The following FHIT variants were observed in gnomAD, a reference collection of about 807,000 sequenced individuals.
FHIT encodes the protein fragile histidine triad diadenosine triphosphatase, also known as bis(5'-adenosyl)-triphosphatase.
A neutral mutation model predicts 17.9 loss-of-function variants in FHIT; 19 were observed. The ratio of observed to expected loss-of-function variants is 1.06; its 90% CI spans 0.74 to 1.56. FHIT has a LOEUF of 1.56. FHIT is among the 40% of genes most tolerant of loss of function. FHIT has a pLI of 0.00. For missense variants in FHIT, 248 were observed against 189.2 expected (o/e 1.31, Z -1.82); for synonymous variants, 81 against 69.7 (o/e 1.16, Z -0.81).
chr3:61,215,311 A>C (rs2039637206), intron 1 of FHIT, among the ~76,000 whole-genome samples: 1 of 151,902 alleles, frequency 6.6e-6, no homozygotes, highest in Non-Finnish European at 1.5e-5. Flanking sequence ...GCTTCAGCAA[A>C]GTCTCAGGAT....
intron 5 of FHIT, among the ~76,000 whole-genome samples, chr3:60,014,840 AT>A (rs1700280787): frequency 6.6e-6 from 1 of 152,208 alleles, no homozygotes; most frequent in Admixed American, 6.5e-5. Flanking sequence ...CAAATAAAGC[AT>A]TCTTAATGCA....
intron 5 of FHIT, among the ~76,000 whole-genome samples, chr3:60,273,836 G>C (rs1706987843): frequency 6.6e-6 from 1 of 152,120 alleles, no homozygotes; most frequent in African/African-American, 2.4e-5. Flanking sequence ...CAGATTGAAA[G>C]AGTTTTCACA....
intron 5 of FHIT, among the ~76,000 whole-genome samples, chr3:60,233,365 T>C (rs998211909): frequency 6.6e-6 from 1 of 152,064 alleles, no homozygotes; most frequent in Non-Finnish European, 1.5e-5. Context: ...TTTGCCACCA[T>C]AGGACCTTCA....
At chr3:60,255,258 T>C (rs559544933) in intron 5 of FHIT, among the ~76,000 whole-genome samples, 1 of 152,280 alleles carries the variant, frequency 6.6e-6, no homozygotes, top group South Asian at 2.1e-4. Context: ...ATGAGTATAA[T>C]GAGATGCGGG....
chr3:59,863,991 T>A (rs2253303), intron 8 of FHIT, among the ~76,000 whole-genome samples: 83,501 of 152,016 alleles, frequency 0.55, 24,329 homozygotes, highest in African/African-American at 0.75. Flanking sequence ...GGAAAACAGA[T>A]ATGATCCCAT....
intron 4 of FHIT, among the ~76,000 whole-genome samples, chr3:60,814,584 A>G (rs907135634): frequency 6.6e-6 from 1 of 152,014 alleles, no homozygotes; most frequent in Non-Finnish European, 1.5e-5. Context: ...ACATGTACCA[A>G]ATTTTCTTTA....
At chr3:60,544,090 A>G (rs922841328) in intron 4 of FHIT, among the ~76,000 whole-genome samples, 1 of 151,462 alleles carries the variant, frequency 6.6e-6, no homozygotes, top group Non-Finnish European at 1.5e-5. Context: ...GATTTCACTT[A>G]GAAATAATGA....
At chr3:59,983,770 G>A (rs540522466) in intron 7 of FHIT, among the ~76,000 whole-genome samples, 2 of 152,024 alleles carry the variant, frequency 1.3e-5, no homozygotes, top group Non-Finnish European at 2.9e-5. Flanking sequence ...AGAATGAGAG[G>A]ATTGCCCCAT....
intron 5 of FHIT, among the ~76,000 whole-genome samples, chr3:60,050,643 T>C (rs1198352537): frequency 6.6e-6 from 1 of 152,146 alleles, no homozygotes; most frequent in East Asian, 1.9e-4. Context: ...GATCCCCGAG[T>C]CTCACAGATT....
chr3:60,792,134 T>A lies in FHIT; in HGVS notation c.-18+29785A>T, dbSNP rs1282271452. ...CAGCAGAAGCAGCCTCCAATGAGGA[T>A]GGCTTCCTGCTCAAGACCTCCTCAC... On this transcript the variant is annotated intron_variant, in intron 4 of 9. Transcript: ENST00000492590. Among the ~76,000 whole-genome samples the A allele has an allele frequency of 2.0e-5, 3 of 152,186 alleles. No homozygotes were observed. The East Asian group carries it at 5.8e-4, about 29-fold the overall frequency.
intron 4 of FHIT, among the ~76,000 whole-genome samples, chr3:60,793,446 G>T (rs1341510027): frequency 6.6e-6 from 1 of 152,082 alleles, no homozygotes; most frequent in South Asian, 2.1e-4. Flanking sequence ...GGGATTACAG[G>T]TGCCTGCTAC....
intron 5 of FHIT, among the ~76,000 whole-genome samples, chr3:60,128,719 G>C (rs1340553903): frequency 6.6e-6 from 1 of 152,130 alleles, no homozygotes; most frequent in Non-Finnish European, 1.5e-5. Context: ...TGCTGGGATT[G>C]ATTAGCAGAG....
intron 2 of FHIT, among the ~76,000 whole-genome samples, chr3:61,197,588 A>C (rs889204047): frequency 6.6e-6 from 1 of 152,224 alleles, no homozygotes; most frequent in Non-Finnish European, 1.5e-5. Context: ...TACATTCCAC[A>C]AGCAATGCCA....
In FHIT at chr3:60,378,151, C is replaced by T. The variant is rs528410872; in HGVS notation, c.103+158709G>A. 4.6e-5 allele frequency among the ~76,000 whole-genome samples: 7 copies of T among 151,912 alleles called. No homozygotes were observed. In the East Asian group the frequency reaches 1.2e-3, roughly 26 times the overall value. On this transcript the variant is annotated intron_variant, in intron 5 of 9. Transcript: ENST00000492590. ...ACGCCATTTTCCCGCCTCAGCCTCC[C>T]GAGTAGCTGGGACTACAGACGCCTG...
chr3:59,823,253 T>G (rs1272868830), intron 8 of FHIT, among the ~76,000 whole-genome samples: 1 of 152,222 alleles, frequency 6.6e-6, no homozygotes, highest in East Asian at 1.9e-4. Context: ...TCTTTTTGCT[T>G]AGTCTTGCTT....
rs1394590018 is a variant in FHIT at position 59,959,802 on chromosome 3, G to C, written c.280-37388C>G. Among the ~76,000 whole-genome samples, 6 of 152,322 alleles carry C rather than the reference G, an allele frequency of 3.9e-5. No individual in the cohort carries two copies. In the East Asian group the frequency reaches 1.2e-3, roughly 29 times the overall value. The stretch of plus-strand genomic sequence containing the variant: ...TGAAAGGAAAGTAATGGGAGCCTAT[G>C]ACAAAGATCTGGATTTGGGGTAGGG... On this transcript the variant is annotated intron_variant, in intron 7 of 9. Transcript: ENST00000492590.
chr3:60,156,928 T>C (rs929563134), intron 5 of FHIT, among the ~76,000 whole-genome samples: 1 of 152,082 alleles, frequency 6.6e-6, no homozygotes, highest in African/African-American at 2.4e-5. Context: ...ACTTCTTCCA[T>C]ATGTAGTTAT....
At chr3:60,930,051 A>C (rs1454532800) in intron 3 of FHIT, among the ~76,000 whole-genome samples, 2 of 152,182 alleles carry the variant, frequency 1.3e-5, no homozygotes, top group Non-Finnish European at 2.9e-5. Flanking sequence ...AGCCCTCAGA[A>C]ATAATGCCGC....
chr3:61,020,919 A>C (rs1241760662), intron 3 of FHIT, among the ~76,000 whole-genome samples: 1 of 152,234 alleles, frequency 6.6e-6, no homozygotes, highest in Non-Finnish European at 1.5e-5. Context: ...ACCAACAAAG[A>C]TCAAAAAAGA....
Sources: gnomAD v4.1 joint callset for allele counts (sites outside exome capture counted in the v4.1 genomes callset) on GRCh38, gnomAD v4.1.1 for gene constraint, MANE v1.5 for transcripts, NCBI Gene and HGNC (gene_info 2026-07-23, HGNC 2026-07-21) for gene names.